PXK: variants seen among roughly 807,000 people sequenced by gnomAD.
The protein encoded by PXK is PX domain-containing protein kinase-like protein.
In PXK, 35 loss-of-function variants were observed where a neutral mutation model predicts 84.7. That is an observed-to-expected ratio of 0.41 (90% CI 0.32 to 0.55). PXK has a LOEUF of 0.55. PXK is among the 20% of genes least tolerant of loss of function. The probability of loss-of-function intolerance (pLI) is 0.21; values close to 1 mark genes in which losing one functional copy is unlikely to be tolerated. For synonymous variants in PXK, 253 were observed against 260.8 expected (o/e 0.97, Z 0.29); for missense variants, 634 against 699.7 (o/e 0.91, Z 1.06).
chr3:58,338,433 G>T (rs1490533900), intron 1 of PXK, among the ~76,000 whole-genome samples: 1 of 151,494 alleles, frequency 6.6e-6, no homozygotes, highest in Non-Finnish European at 1.5e-5. Context: ...GAACAGCCTG[G>T]CCAACGTGGT....
At chr3:58,424,696 G>A (rs1001530653) in intron 17 of PXK, 56 bp from the exon 18 acceptor site, 153 of 1,576,916 alleles carry the variant, frequency 9.7e-5, no homozygotes, top group Admixed American at 4.6e-4. Flanking sequence ...GAGCAGCAGC[G>A]TGTGTGCAGG....
At chr3:58,420,765 T>C in intron 17 of PXK, 3 of 1,390,826 alleles carry the variant, frequency 2.2e-6, no homozygotes, top group Non-Finnish European at 2.8e-6. Flanking sequence ...ATTCATTTCA[T>C]TTTCATCATG....
At chr3:58,420,453 CTG>C (rs1333908735) in intron 17 of PXK, 1 of 1,466,302 alleles carries the variant, frequency 6.8e-7, no homozygotes, top group East Asian at 2.5e-5. Context: ...ATTTTACTGT[CTG>C]TTACTATTTG....
chr3:58,398,232 C>G lies in PXK; in HGVS notation c.1102+510C>G, dbSNP rs1281011944. ...CCTGGCCAACATAATGAAACCCCAT[C>G]TGTACTAAAATTACAAAAATTAGCT... On this transcript the variant is annotated intron_variant, in intron 11 of 17. Transcript: ENST00000356151. The surrounding 1 kb of genome is among the most constrained non-coding windows in gnomAD (Gnocchi z 4.5). 6.6e-6 allele frequency among the ~76,000 whole-genome samples: 1 copy of G among 152,160 alleles called. No homozygotes were observed. The highest frequency in any genetic ancestry group is 1.5e-5 in the Non-Finnish European group (1 of 68,036).
At chr3:58,382,964 C>T (rs2098518410) in intron 4 of PXK, among the ~76,000 whole-genome samples, 1 of 152,148 alleles carries the variant, frequency 6.6e-6, no homozygotes, top group Admixed American at 6.5e-5. Flanking sequence ...ATACTCTTGC[C>T]TTTATTGTCT....
At position 58,364,965 on chromosome 3, in the gene PXK, T is replaced by G. The variant is rs1576064831; in HGVS notation, c.103-909T>G. On this transcript the variant is annotated intron_variant, in intron 1 of 17. Coordinates refer to ENST00000356151, the MANE Select transcript of PXK (RefSeq NM_017771.5). This position sits in a 1 kb window ranked among gnomAD's most constrained non-coding sequence, Gnocchi z 4.3. ...TGTCAATTTTATTGGTCTTTTCAAA[T>G]AATCAGCTTTTTATTTCTTGACTTT... is the stretch of plus-strand genomic sequence containing the variant. 3.9e-5 allele frequency among the ~76,000 whole-genome samples: 6 copies of G among 152,208 alleles called. No individual in the cohort carries two copies. In the East Asian group the frequency reaches 1.2e-3, roughly 29 times the overall value.
Position 58,399,013 on chromosome 3 carries a change from C to A in PXK, c.1103-286C>A, listed in dbSNP as rs1340516436. On this transcript the variant is annotated intron_variant, in intron 11 of 17. Transcript: ENST00000356151. This position sits in a 1 kb window ranked among gnomAD's most constrained non-coding sequence, Gnocchi z 4.3. ...TTTACATCTCTTTCAAGAGAACAAA[C>A]ACTTTTATGAATGATATCTTGAATC... Among the ~76,000 whole-genome samples, 3 of 152,206 alleles carry A rather than the reference C, an allele frequency of 2.0e-5. No individual in the cohort carries two copies. The highest frequency in any genetic ancestry group is 2.0e-4 in the Admixed American group (3 of 15,286).
intron 15 of PXK, 49 bp from the exon 16 acceptor site, chr3:58,410,041 A>G (rs772168874): frequency 1.7e-6 from 2 of 1,209,042 alleles, no homozygotes; most frequent in Non-Finnish European, 2.4e-6. Flanking sequence ...CACTGTGTTT[A>G]TTCTTTGCTT....
rs937472912 is a variant in PXK at position 58,425,676 on chromosome 3, G to A, written c.*716G>A. On this transcript the variant is annotated 3_prime_UTR_variant, in exon 18 of 18. Transcript: ENST00000356151. ...CATCAGAAAAAGCTCTTGCCAATTAGAGGATCTTCTTAATCCTCAGCAATT... is the reference window on the plus strand; with the variant it reads ...CATCAGAAAAAGCTCTTGCCAATTAAAGGATCTTCTTAATCCTCAGCAATT... The A allele has an allele frequency of 6.6e-6, 1 of 152,200 alleles. No homozygotes were observed. Among genetic ancestry groups the A allele is most frequent in the Non-Finnish European group, 1.5e-5 (1 of 68,034 alleles). 9.4% of individuals were successfully genotyped at this position (152,200 alleles called of 1,614,324 possible). A position where few individuals can be genotyped will look rare whatever the true frequency, so the allele number is the denominator to read the frequency against.
chr3:58,357,058 A>T (rs1401367520), intron 1 of PXK, among the ~76,000 whole-genome samples: 1 of 151,314 alleles, frequency 6.6e-6, no homozygotes, highest in African/African-American at 2.4e-5. Context: ...AGGCAGGCAG[A>T]TCATGAGGTC....
In PXK at chr3:58,380,532, C is replaced by T. The variant is rs528606558; in HGVS notation, c.202-1982C>T. 9.5e-4 allele frequency among the ~76,000 whole-genome samples: 144 copies of T among 152,194 alleles called. 2 individuals carry two copies. Among genetic ancestry groups the T allele is most frequent in the Non-Finnish European group, 6.8e-4 (46 of 68,020 alleles). ...TTTATTTAAAATTCTGAAGAAAGGC[C>T]GGGTGCAGTGGCTCACGCCTGTAAT... is the stretch of plus-strand genomic sequence containing the variant. On this transcript the variant is annotated intron_variant, in intron 3 of 17. Coordinates refer to ENST00000356151, the MANE Select transcript of PXK (RefSeq NM_017771.5).
intron 17 of PXK, among the ~76,000 whole-genome samples, chr3:58,419,229 T>C (rs1454186736): frequency 6.6e-6 from 1 of 152,214 alleles, no homozygotes; most frequent in Admixed American, 6.5e-5. Context: ...TTACAACCTA[T>C]AGTCAGACAA....
intron 1 of PXK, among the ~76,000 whole-genome samples, chr3:58,365,069 C>T (rs1354282592): frequency 6.6e-6 from 1 of 151,548 alleles, no homozygotes; most frequent in Non-Finnish European, 1.5e-5. Context: ...GTGTATTACG[C>T]TCTTCTTTTT....
Position 58,399,160 on chromosome 3 carries a change from C to A in PXK, c.1103-139C>A. ...CATTCCCCCACCCCACGTATGCCAT[C>A]TGTCTGTGTGTGAAGATTTTTGACA... On this transcript the variant is annotated intron_variant, in intron 11 of 17. Coordinates refer to ENST00000356151, the MANE Select transcript of PXK (RefSeq NM_017771.5). This position sits in a 1 kb window ranked among gnomAD's most constrained non-coding sequence, Gnocchi z 4.3. The A allele has an allele frequency of 1.4e-6, 1 of 718,560 alleles. No individual in the cohort carries two copies. The highest frequency in any genetic ancestry group is 2.5e-6 in the Non-Finnish European group (1 of 399,238). The allele number at this position is 718,560 out of a possible 1,614,324, so 44.5% of individuals were successfully genotyped here. A position where few individuals can be genotyped will look rare whatever the true frequency, so the allele number is the denominator to read the frequency against.
chr3:58,348,793 G>A (rs910307262), intron 1 of PXK, among the ~76,000 whole-genome samples: 2 of 151,756 alleles, frequency 1.3e-5, no homozygotes, highest in Non-Finnish European at 1.5e-5. Flanking sequence ...CATACCTGTA[G>A]TCTCAGCTAC....
chr3:58,408,369 T>C (rs2059690410), intron 13 of PXK, among the ~76,000 whole-genome samples: 1 of 152,260 alleles, frequency 6.6e-6, no homozygotes, highest in African/African-American at 2.4e-5. Context: ...CCTTGAGGAT[T>C]ACTTGCATTA....
At chr3:58,346,128 G>A (rs1243508317) in intron 1 of PXK, among the ~76,000 whole-genome samples, 1 of 152,110 alleles carries the variant, frequency 6.6e-6, no homozygotes, top group East Asian at 1.9e-4. Flanking sequence ...TGGGTTTATT[G>A]GTGAAGATTC....
intron 3 of PXK, among the ~76,000 whole-genome samples, chr3:58,369,795 G>T (rs1381799788): frequency 9.6e-5 from 14 of 146,186 alleles, no homozygotes; most frequent in Non-Finnish European, 1.5e-5. Flanking sequence ...TTGCACTCCA[G>T]CCTGGGCAAT....
At position 58,411,711 on chromosome 3, in the gene PXK, A is replaced by G. The variant is rs1057095238; in HGVS notation, c.1466-1190A>G. On this transcript the variant is annotated intron_variant, in intron 16 of 17. Coordinates refer to ENST00000356151, the MANE Select transcript of PXK (RefSeq NM_017771.5). This position sits in a 1 kb window ranked among gnomAD's most constrained non-coding sequence, Gnocchi z 4.2. ...ACCCCAGTGCCCTCAGGAGTTTAGG[A>G]AAATGAAGTAGCAGTTGATGGATAT... Among the ~76,000 whole-genome samples the G allele has an allele frequency of 1.3e-5, 2 of 152,174 alleles. No homozygotes were observed. The highest frequency in any genetic ancestry group is 3.9e-4 in the East Asian group (2 of 5,192).
Sources: allele counts gnomAD v4.1 joint callset (sites outside exome capture counted in the v4.1 genomes callset), GRCh38; gene constraint gnomAD v4.1.1; non-coding constraint Gnocchi (gnomAD v3.1); transcripts MANE v1.5; gene names NCBI Gene and HGNC (gene_info 2026-07-23, HGNC 2026-07-21).